SCFD2: variants seen among roughly 807,000 people sequenced by gnomAD.
The protein encoded by SCFD2 is sec1 family domain-containing protein 2.
Under a neutral mutation model 58.9 loss-of-function variants are expected in SCFD2, and 54 were observed. The ratio of observed to expected loss-of-function variants is 0.92; its 90% CI spans 0.74 to 1.15. SCFD2 has a LOEUF of 1.15. Ranked by LOEUF, SCFD2 falls within the 50% of genes most tolerant of loss-of-function variation. The pLI is 0.00. For synonymous variants in SCFD2, 321 were observed against 335.9 expected (o/e 0.96, Z 0.49); for missense variants, 805 against 836.6 (o/e 0.96, Z 0.47).
At chr4:53,349,025 C>T (rs1439389512) in intron 2 of SCFD2, among the ~76,000 whole-genome samples, 2 of 152,086 alleles carry the variant, frequency 1.3e-5, no homozygotes, top group African/African-American at 4.8e-5. Context: ...GCACTCAAAG[C>T]TCATAATCTA....
chr4:53,206,508 T>C (rs1408710033), intron 4 of SCFD2, among the ~76,000 whole-genome samples: 2 of 152,198 alleles, frequency 1.3e-5, no homozygotes, highest in South Asian at 4.1e-4. Context: ...AGAAAACATG[T>C]TTGCTCCATA....
chr4:53,004,960 G>A (rs1168315446), intron 5 of SCFD2, among the ~76,000 whole-genome samples: 2 of 152,138 alleles, frequency 1.3e-5, no homozygotes, highest in South Asian at 2.1e-4. Context: ...CACCAGTGGC[G>A]TGATCTTGGC....
At chr4:53,192,796 T>C (rs28494528) in intron 4 of SCFD2, among the ~76,000 whole-genome samples, 18,420 of 152,168 alleles carry the variant, frequency 0.12, 1,923 homozygotes, top group African/African-American at 0.27. Flanking sequence ...AATCTTACTA[T>C]AGTAAGTGTA....
At chr4:53,102,916 G>A (rs1054131564) in intron 5 of SCFD2, among the ~76,000 whole-genome samples, 7 of 152,182 alleles carry the variant, frequency 4.6e-5, no homozygotes, top group Admixed American at 1.3e-4. Flanking sequence ...AAGAATCCAT[G>A]AGTCTATACT....
chr4:52,930,212 C>T (rs1046255950), intron 5 of SCFD2, among the ~76,000 whole-genome samples: 2 of 152,084 alleles, frequency 1.3e-5, no homozygotes, highest in African/African-American at 4.8e-5. Context: ...ACATCTACAA[C>T]CATCTGATCC....
chr4:52,898,985 T>G (rs985468136), intron 7 of SCFD2, among the ~76,000 whole-genome samples: 49 of 152,354 alleles, frequency 3.2e-4, no homozygotes, highest in Non-Finnish European at 1.0e-4. Flanking sequence ...TGCCTTTTTT[T>G]GTTTTCCATT....
intron 8 of SCFD2, among the ~76,000 whole-genome samples, chr4:52,877,490 T>C (rs1210737974): frequency 6.6e-6 from 1 of 152,142 alleles, no homozygotes; most frequent in Admixed American, 6.5e-5. Context: ...GCTAGATGAA[T>C]GACCCTGGAG....
At chr4:53,259,926 C>T (rs1310311739) in intron 4 of SCFD2, among the ~76,000 whole-genome samples, 1 of 148,854 alleles carries the variant, frequency 6.7e-6, no homozygotes, top group Admixed American at 6.7e-5. Context: ...TTGCAGAGGT[C>T]TTTCACCTCC....
At chr4:53,303,471 T>C (rs960477029) in intron 3 of SCFD2, among the ~76,000 whole-genome samples, 9 of 152,126 alleles carry the variant, frequency 5.9e-5, no homozygotes, top group Non-Finnish European at 1.2e-4. Flanking sequence ...GGAGAGGATG[T>C]GGAAAAATAG....
At chr4:53,082,622 T>C (rs1724181292) in intron 5 of SCFD2, among the ~76,000 whole-genome samples, 1 of 151,884 alleles carries the variant, frequency 6.6e-6, no homozygotes, top group African/African-American at 2.4e-5. Flanking sequence ...TTTGAATTGG[T>C]AGCCTGAGGA....
intron 5 of SCFD2, among the ~76,000 whole-genome samples, chr4:53,012,814 C>CTGTG (rs533768079): frequency 1.6e-4 from 23 of 146,238 alleles, no homozygotes; most frequent in African/African-American, 5.6e-4. Flanking sequence ...CCCCTCCTTT[C>CTGTG]TGTGTGTGTG....
chr4:52,956,257 T>C, intron 5 of SCFD2: 1 of 456,624 alleles, frequency 2.2e-6, no homozygotes, highest in Middle Eastern at 3.3e-4. Context: ...GCAAACCTCC[T>C]TCCCCTTGGA....
intron 2 of SCFD2, among the ~76,000 whole-genome samples, chr4:53,318,285 C>T (rs1042303001): frequency 6.6e-6 from 1 of 152,134 alleles, no homozygotes; most frequent in Non-Finnish European, 1.5e-5. Flanking sequence ...TTCAGCTTAT[C>T]TCTTCAATTT....
At chr4:53,007,436 A>G (rs1350345029) in intron 5 of SCFD2, among the ~76,000 whole-genome samples, 1 of 150,266 alleles carries the variant, frequency 6.7e-6, no homozygotes, top group African/African-American at 2.5e-5. Flanking sequence ...GGAGGGAGGG[A>G]GGAAGGATAG....
chr4:53,298,390 G>A (rs1732129346), intron 3 of SCFD2, among the ~76,000 whole-genome samples: 1 of 152,138 alleles, frequency 6.6e-6, no homozygotes, highest in Admixed American at 6.5e-5. Flanking sequence ...CAGTAGCGAG[G>A]CTGGGGGAGG....
chr4:53,022,021 G>C (rs1722361213), intron 5 of SCFD2, among the ~76,000 whole-genome samples: 1 of 152,180 alleles, frequency 6.6e-6, no homozygotes, highest in African/African-American at 2.4e-5. Context: ...ATGTATCATA[G>C]AGCATGATGG....
intron 4 of SCFD2, among the ~76,000 whole-genome samples, chr4:53,245,743 C>A (rs1297817305): frequency 6.6e-6 from 1 of 152,144 alleles, no homozygotes; most frequent in Non-Finnish European, 1.5e-5. Flanking sequence ...CAGCTAACAT[C>A]ATACTGAATG....
intron 4 of SCFD2, among the ~76,000 whole-genome samples, chr4:53,149,161 C>T (rs756275694): frequency 6.6e-6 from 1 of 152,178 alleles, no homozygotes; most frequent in Non-Finnish European, 1.5e-5. Flanking sequence ...GCAATGATGA[C>T]AGCCAGTGGC....
intron 5 of SCFD2, among the ~76,000 whole-genome samples, chr4:52,980,234 T>C (rs1258888071): frequency 1.3e-5 from 2 of 152,230 alleles, no homozygotes; most frequent in Non-Finnish European, 2.9e-5. Flanking sequence ...TGCACAATGC[T>C]ACCCAAGCAT....
Sources: allele counts gnomAD v4.1 joint callset (sites outside exome capture counted in the v4.1 genomes callset), GRCh38; gene constraint gnomAD v4.1.1; transcripts MANE v1.5; gene names NCBI Gene and HGNC (gene_info 2026-07-23, HGNC 2026-07-21).